Variants in WDR41 observed in about 807,000 individuals in gnomAD.
The protein encoded by WDR41 is WD repeat-containing protein 41.
In WDR41, 63 loss-of-function variants were observed where a neutral mutation model predicts 69.3. That is an observed-to-expected ratio of 0.91 (90% CI 0.74 to 1.12). The LOEUF is 1.12. Among genes scored for constraint, WDR41 ranks in the 50% most tolerant of loss-of-function variants. The pLI, the probability that WDR41 is intolerant of heterozygous loss-of-function variation, is 0.00. For synonymous variants in WDR41, 185 were observed against 192.1 expected (o/e 0.96, Z 0.31); for missense variants, 543 against 534.5 (o/e 1.02, Z -0.16).
chr5:77,515,863 C>T (rs974585450), intron 1 of WDR41, among the ~76,000 whole-genome samples: 3 of 152,140 alleles, frequency 2.0e-5, no homozygotes, highest in African/African-American at 7.2e-5. Flanking sequence ...TTTTCAATGG[C>T]CATTTGATAA....
chr5:77,541,931 A>G (rs1743096120), intron 1 of WDR41, among the ~76,000 whole-genome samples: 1 of 152,208 alleles, frequency 6.6e-6, no homozygotes, highest in Non-Finnish European at 1.5e-5. Context: ...TATATACCCA[A>G]TGGAATATAA....
intron 1 of WDR41, among the ~76,000 whole-genome samples, chr5:77,605,552 C>T (rs1408024003): frequency 6.6e-6 from 1 of 152,168 alleles, no homozygotes; most frequent in Admixed American, 6.5e-5. Context: ...TCCTTTGTTT[C>T]TGTACTCCCT....
chr5:77,478,268 C>G (rs1462504617), intron 2 of WDR41, among the ~76,000 whole-genome samples: 1 of 152,148 alleles, frequency 6.6e-6, no homozygotes, highest in Non-Finnish European at 1.5e-5. Flanking sequence ...TGGTACAATT[C>G]CTTCTGAAAC....
intron 12 of WDR41, among the ~76,000 whole-genome samples, chr5:77,434,345 A>G (rs1561722685): frequency 6.6e-6 from 1 of 152,034 alleles, no homozygotes; most frequent in Non-Finnish European, 1.5e-5. Context: ...CTGAAATGAC[A>G]TATACATTTC....
intron 1 of WDR41, among the ~76,000 whole-genome samples, chr5:77,489,951 A>G (rs1648484914): frequency 6.6e-6 from 1 of 152,228 alleles, no homozygotes; most frequent in African/African-American, 2.4e-5. Context: ...AATGTGGCAG[A>G]AACAAAACTG....
rs1798756106 is a variant in WDR41 at position 77,432,369 on chromosome 5, T to TGC, written c.*765_*766insGC. The TGC allele has an allele frequency of 6.6e-6, 1 of 152,552 alleles. No homozygotes were observed. Among genetic ancestry groups the TGC allele is most frequent in the Non-Finnish European group, 1.5e-5 (1 of 68,044 alleles). 9.4% of individuals were successfully genotyped at this position (152,552 alleles called of 1,614,324 possible). ...AGAAGTCTGTCTCAAGCAGTTCGTA[T>TGC]TTGAGTCAGTGGTCAGATGGGGCAG... On this transcript the variant is annotated 3_prime_UTR_variant, in exon 13 of 13. Transcript: ENST00000296679.
chr5:77,582,429 T>A, intron 1 of WDR41: 1 of 1,608,078 alleles, frequency 6.2e-7, no homozygotes, highest in Non-Finnish European at 8.5e-7. Context: ...CAGAAACCCT[T>A]AAGAAAAAGC....
chr5:77,451,930 T>C (rs1799641218), intron 6 of WDR41: 1 of 152,094 alleles, frequency 6.6e-6, no homozygotes, highest in African/African-American at 2.4e-5. Context: ...GATTTTAGCG[T>C]AACTATAACT....
intron 11 of WDR41, 109 bp from the exon 12 acceptor site, chr5:77,436,503 G>C: frequency 7.3e-7 from 1 of 1,363,048 alleles, no homozygotes; most frequent in Non-Finnish European, 1.0e-6. Flanking sequence ...TTTAGTCAAG[G>C]GCTAAGTGGA....
intron 2 of WDR41, among the ~76,000 whole-genome samples, chr5:77,467,106 G>A (rs982188175): frequency 6.6e-6 from 1 of 151,860 alleles, no homozygotes; most frequent in East Asian, 1.9e-4. Flanking sequence ...TAATTGTAAG[G>A]TATAGTGTAA....
chr5:77,534,543 C>A (rs1742930435), intron 1 of WDR41, among the ~76,000 whole-genome samples: 1 of 152,076 alleles, frequency 6.6e-6, no homozygotes, highest in African/African-American at 2.4e-5. Context: ...AAGTGATTCT[C>A]CTGCTTCAGC....
chr5:77,591,698 G>T (rs972647826), intron 1 of WDR41, among the ~76,000 whole-genome samples: 1 of 151,956 alleles, frequency 6.6e-6, no homozygotes, highest in African/African-American at 2.4e-5. Flanking sequence ...AATGTTTGGG[G>T]GTTTACTCGT....
chr5:77,537,393 A>G (rs142908011), intron 1 of WDR41, among the ~76,000 whole-genome samples: 37 of 152,350 alleles, frequency 2.4e-4, no homozygotes, highest in African/African-American at 8.2e-4. Flanking sequence ...CAGGAGGCCG[A>G]AGAGGAAGAG....
chr5:77,476,407 T>A (rs1229315138), intron 2 of WDR41, among the ~76,000 whole-genome samples: 2 of 151,790 alleles, frequency 1.3e-5, no homozygotes, highest in East Asian at 3.9e-4. Flanking sequence ...GAAAAAATGT[T>A]AAGGGCAGCC....
chr5:77,538,011 G>A (rs1200648709), intron 1 of WDR41, among the ~76,000 whole-genome samples: 1 of 150,212 alleles, frequency 6.7e-6, no homozygotes, highest in Non-Finnish European at 1.5e-5. Context: ...TAGATGTCAA[G>A]TCAGGGCTTT....
At chr5:77,469,722 AT>A (rs1238867912) in intron 2 of WDR41, among the ~76,000 whole-genome samples, 1 of 136,188 alleles carries the variant, frequency 7.3e-6, no homozygotes, top group African/African-American at 3.0e-5. Context: ...GAGAAGAGAA[AT>A]TTAGAGAAAA....
intron 1 of WDR41, among the ~76,000 whole-genome samples, chr5:77,529,808 G>T (rs555741665): frequency 6.6e-6 from 1 of 151,724 alleles, no homozygotes; most frequent in South Asian, 2.1e-4. Context: ...TGGAAAAATT[G>T]TATATTCATA....
chr5:77,464,045 TA>T (rs10667562), intron 3 of WDR41, among the ~76,000 whole-genome samples: 32 of 148,546 alleles, frequency 2.2e-4, no homozygotes, highest in African/African-American at 2.5e-4. Context: ...AGTATTTATT[TA>T]AAAAAAAAAG....
chr5:77,489,823 T>C (rs1801689737), intron 1 of WDR41, among the ~76,000 whole-genome samples: 1 of 152,184 alleles, frequency 6.6e-6, no homozygotes. Flanking sequence ...CAAATCACAA[T>C]AAATTTACAA....
Sources: allele counts gnomAD v4.1 joint callset (sites outside exome capture counted in the v4.1 genomes callset), GRCh38; gene constraint gnomAD v4.1.1; transcripts MANE v1.5; gene names NCBI Gene and HGNC (gene_info 2026-07-23, HGNC 2026-07-21).